The following SP100 variants were observed in gnomAD, a reference collection of about 807,000 sequenced individuals.
SP100 encodes nuclear autoantigen Sp-100.
In SP100, 84 loss-of-function variants were observed where a neutral mutation model predicts 130.0. The observed-to-expected ratio is 0.65, with a 90% confidence interval of 0.54 to 0.77. The LOEUF is 0.77. Ranked by LOEUF, SP100 falls within the 30% of genes least tolerant of loss-of-function variation. The pLI is 0.00. For synonymous variants in SP100, 331 were observed against 351.7 expected (o/e 0.94, Z 0.66); for missense variants, 978 against 1,052.2 (o/e 0.93, Z 0.97).
At position 230,535,906 on chromosome 2, in the gene SP100, CAAAAAAAAAAAAAAAAA is replaced by C. The variant is rs34684038; in HGVS notation, c.2095-3348_2095-3332del. On this transcript the variant is annotated intron_variant, in intron 24 of 28. Transcript: ENST00000340126. ...TGGGTGACAGAGCAAGACTCCATCT[CAAAAAAAAAAAAAAAAA>C]AAAAAAAAAAAAGAATATGTTTTCT... Among the ~76,000 whole-genome samples the C allele has an allele frequency of 1.1e-3, 54 of 47,600 alleles. No individual in the cohort carries two copies. The East Asian group carries it at 0.045, about 39-fold the overall frequency. 31.2% of individuals were successfully genotyped at this position (47,600 alleles called of 152,430 possible).
intron 2 of SP100, among the ~76,000 whole-genome samples, chr2:230,432,442 C>CT (rs1559484165): frequency 6.6e-6 from 1 of 152,086 alleles, no homozygotes; most frequent in Non-Finnish European, 1.5e-5. Flanking sequence ...TTATGTTTCA[C>CT]TTTTTTCAAA....
rs2149847142 is a variant in SP100, at chr2:230,416,221, C to T, written c.-76C>T. ...TTCCTGCTTGGGGCCTGGGCAGCCA[C>T]ACTGCACGCAGGCTGGGCCGACTGA... On this transcript the variant is annotated 5_prime_UTR_variant, in exon 1 of 29. Coordinates refer to ENST00000340126, the MANE Select transcript of SP100 (RefSeq NM_001080391.2). 1.6e-6 allele frequency: 2 copies of T among 1,232,814 alleles called. No homozygotes were observed. Among genetic ancestry groups the T allele is most frequent in the Non-Finnish European group, 1.2e-6 (1 of 844,810 alleles). The allele number at this position is 1,232,814 out of a possible 1,614,324, so 76.4% of individuals were successfully genotyped here.
chr2:230,443,286 C>T (rs2063543428), intron 3 of SP100, among the ~76,000 whole-genome samples, 187 bp downstream of exon 3: 1 of 152,122 alleles, frequency 6.6e-6, no homozygotes, highest in South Asian at 2.1e-4. Context: ...GCAGAGGTCG[C>T]CGGAGATGGT....
At chr2:230,513,007 A>G (rs187325355) in intron 24 of SP100, among the ~76,000 whole-genome samples, 8 of 152,356 alleles carry the variant, frequency 5.3e-5, no homozygotes, top group African/African-American at 1.7e-4. Context: ...GGTGGAGCTC[A>G]GGCAGCAATG....
At chr2:230,430,786 G>T (rs2063075771) in intron 2 of SP100, among the ~76,000 whole-genome samples, 1 of 152,208 alleles carries the variant, frequency 6.6e-6, no homozygotes, top group South Asian at 2.1e-4. Context: ...GAGGTCATTG[G>T]CTTGGTTTCC....
intron 12 of SP100, among the ~76,000 whole-genome samples, chr2:230,466,569 G>A (rs1235533831): frequency 6.6e-6 from 1 of 152,122 alleles, no homozygotes; most frequent in Admixed American, 6.5e-5. Flanking sequence ...AGAAGTCAAT[G>A]ACCCCAACAC....
At chr2:230,434,834 A>C (rs1026656001) in intron 2 of SP100, among the ~76,000 whole-genome samples, 6 of 152,190 alleles carry the variant, frequency 3.9e-5, no homozygotes, top group Admixed American at 3.3e-4. Context: ...TGGTGTAGTC[A>C]AGAAACAGCA....
intron 8 of SP100, 49 bp downstream of exon 8, chr2:230,450,304 C>G (rs984303288): frequency 1.4e-6 from 2 of 1,420,182 alleles, no homozygotes; most frequent in African/African-American, 2.8e-5. Context: ...TATTCAGATG[C>G]TATACATTTG....
At chr2:230,445,819 C>T (rs1330816738) in intron 4 of SP100, among the ~76,000 whole-genome samples, 1 of 152,140 alleles carries the variant, frequency 6.6e-6, no homozygotes, top group Admixed American at 6.5e-5. Context: ...AGCTCCAGTG[C>T]CCACAACTCA....
At chr2:230,449,802 C>G in intron 7 of SP100, 92 bp downstream of exon 7, 1 of 1,326,864 alleles carries the variant, frequency 7.5e-7, no homozygotes, top group Non-Finnish European at 1.1e-6. Flanking sequence ...CAAGGAGACA[C>G]CTGTTTAACA....
intron 8 of SP100, among the ~76,000 whole-genome samples, chr2:230,451,412 T>C (rs929237459): frequency 6.6e-6 from 1 of 152,256 alleles, no homozygotes; most frequent in Admixed American, 6.5e-5. Flanking sequence ...TTTTTTCACA[T>C]ACCTGTTAGC....
chr2:230,455,275 G>A (rs1156793145), intron 8 of SP100, among the ~76,000 whole-genome samples: 1 of 152,070 alleles, frequency 6.6e-6, no homozygotes, highest in Non-Finnish European at 1.5e-5. Context: ...TGTTGCCCAG[G>A]CAGGTCTCAA....
At chr2:230,527,854 A>G (rs1691503438) in intron 24 of SP100, among the ~76,000 whole-genome samples, 1 of 152,252 alleles carries the variant, frequency 6.6e-6, no homozygotes, top group South Asian at 2.1e-4. Flanking sequence ...ATAATGGTAA[A>G]GGAATCAGTT....
At chr2:230,502,941 G>A (rs555291431) in intron 19 of SP100, 125 bp from the exon 20 acceptor site, 15 of 697,504 alleles carry the variant, frequency 2.2e-5, no homozygotes, top group South Asian at 6.6e-5. Context: ...AAAAGTTCCC[G>A]ACTCCTGATA....
rs1009922434 is a variant in SP100, at chr2:230,511,611, G to A, written c.2094+445G>A. 1.3e-5 allele frequency among the ~76,000 whole-genome samples: 2 copies of A among 152,162 alleles called. 1 individual carries two copies. The highest frequency in any genetic ancestry group is 6.8e-3 in the Middle Eastern group (2 of 294). On this transcript the variant is annotated intron_variant, in intron 24 of 28. Coordinates refer to ENST00000340126, the MANE Select transcript of SP100 (RefSeq NM_001080391.2). The stretch of plus-strand genomic sequence containing the variant: ...TCAGCCAGAAGGAACAGACCGAGCC[G>A]AGCTGGTGAGTTCGAGGTATGGACT...
chr2:230,539,308 A>G lies in SP100; in HGVS notation c.2136A>G (p.Gly712=), dbSNP rs1294981086. 6.2e-7 allele frequency: 1 copy of G among 1,613,762 alleles called. No homozygotes were observed. The highest frequency in any genetic ancestry group is 8.5e-7 in the Non-Finnish European group (1 of 1,179,874). ...TATGTGAGGTGTGCAACAAATGGGG[A>G]CGGCTGTTCTGCTGCGACACTTGTC... ...SNICEVCNKW[G]RLFCCDTCPR... is the part of the protein sequence containing the mutation. The change falls in exon 25 of 29, where the codon GGA becomes GGG. Residue 712 remains glycine, a synonymous_variant. Coordinates refer to ENST00000340126, the MANE Select transcript of SP100 (RefSeq NM_001080391.2).
chr2:230,498,394 G>A (rs2066817133), intron 18 of SP100, 67 bp from the exon 19 acceptor site: 1 of 923,180 alleles, frequency 1.1e-6, no homozygotes, highest in Non-Finnish European at 1.6e-6. Context: ...TAAAATTTTT[G>A]AAAGCACTAT....
intron 18 of SP100, among the ~76,000 whole-genome samples, chr2:230,494,924 G>GT (rs1230131472): frequency 7.2e-5 from 11 of 152,212 alleles, no homozygotes; most frequent in African/African-American, 2.7e-4. Flanking sequence ...TGGTTCAGCT[G>GT]TAAGTCTATT....
At chr2:230,505,449 T>C (rs1690012600) in intron 21 of SP100, among the ~76,000 whole-genome samples, 1 of 152,218 alleles carries the variant, frequency 6.6e-6, no homozygotes, top group Non-Finnish European at 1.5e-5. Flanking sequence ...TGCATTCAAG[T>C]TTCAGCTATA....
Sources: gnomAD v4.1 joint callset for allele counts (sites outside exome capture counted in the v4.1 genomes callset) on GRCh38, gnomAD v4.1.1 for gene constraint, MANE v1.5 for transcripts, NCBI Gene and HGNC (gene_info 2026-07-23, HGNC 2026-07-21) for gene names.